Variants in MAPKAPK2 observed in about 807,000 individuals in gnomAD.
MAPKAPK2 encodes the protein MAPK activated protein kinase 2.
MAPKAPK2 carries 9 observed loss-of-function variants against 48.8 expected under a neutral mutation model. The ratio of observed to expected loss-of-function variants is 0.18; its 90% CI spans 0.11 to 0.32. MAPKAPK2 has a LOEUF of 0.32. MAPKAPK2 is among the 10% of genes least tolerant of loss of function. The probability of loss-of-function intolerance (pLI) is 1.00; values close to 1 mark genes in which losing one functional copy is unlikely to be tolerated. For missense variants in MAPKAPK2, 331 were observed against 498.3 expected (o/e 0.66, Z 3.20); for synonymous variants, 202 against 190.6 (o/e 1.06, Z -0.49).
At chr1:206,720,255 T>C (rs1553431033) in intron 1 of MAPKAPK2, among the ~76,000 whole-genome samples, 1 of 152,258 alleles carries the variant, frequency 6.6e-6, no homozygotes, top group Non-Finnish European at 1.5e-5. Context: ...GTAAATCACC[T>C]AGAAAATACA....
chr1:206,684,918 C>G lies in MAPKAPK2; in HGVS notation c.-312C>G, dbSNP rs1205497954. The stretch of plus-strand genomic sequence containing the variant: ...GCAGACGAGGCTGTGACGCGGCCGC[C>G]GGCCCGGGGCTGGGTACATTGTCGC... On this transcript the variant is annotated 5_prime_UTR_variant, in exon 1 of 10. Coordinates refer to ENST00000367103, the MANE Select transcript of MAPKAPK2 (RefSeq NM_032960.4). The G allele has an allele frequency of 1.3e-5, 2 of 151,214 alleles. No homozygotes were observed. Among genetic ancestry groups the G allele is most frequent in the African/African-American group, 4.9e-5 (2 of 41,168 alleles). The allele number at this position is 151,214 out of a possible 1,614,324, so 9.4% of individuals were successfully genotyped here.
intron 1 of MAPKAPK2, among the ~76,000 whole-genome samples, chr1:206,715,164 T>A (rs1673289255): frequency 6.6e-6 from 1 of 152,220 alleles, no homozygotes; most frequent in Non-Finnish European, 1.5e-5. Flanking sequence ...CTGTGGAGCA[T>A]TCTCCTTCAT....
At chr1:206,726,268 T>A (rs1460931874) in intron 1 of MAPKAPK2, among the ~76,000 whole-genome samples, 2 of 152,196 alleles carry the variant, frequency 1.3e-5, no homozygotes, top group Non-Finnish European at 2.9e-5. Flanking sequence ...ACACCTGTAA[T>A]CCCAGCTACT....
At chr1:206,724,762 GT>G (rs1673652840) in intron 1 of MAPKAPK2, among the ~76,000 whole-genome samples, 1 of 152,138 alleles carries the variant, frequency 6.6e-6, no homozygotes, top group Non-Finnish European at 1.5e-5. Flanking sequence ...GAATGAGGGG[GT>G]GTTAGCTCAG....
intron 1 of MAPKAPK2, among the ~76,000 whole-genome samples, chr1:206,720,503 G>A (rs1295861689): frequency 6.6e-6 from 1 of 152,038 alleles, no homozygotes; most frequent in Non-Finnish European, 1.5e-5. Flanking sequence ...TTACAGGTGC[G>A]TGCCACCATG....
rs527425900 is a variant in MAPKAPK2, at chr1:206,708,240, C to G, written c.280-20470C>G. Among the ~76,000 whole-genome samples the G allele has an allele frequency of 3.1e-3, 465 of 152,338 alleles. 1 individual carries two copies. Among genetic ancestry groups the G allele is most frequent in the Non-Finnish European group, 5.4e-3 (364 of 68,028 alleles). On this transcript the variant is annotated intron_variant, in intron 1 of 9. Transcript: ENST00000367103. Reference sequence around the variant, plus strand: ...GCCCCTGTGTTGGCTGAAACCAGCCCTCTTCTTCCCCTTGCGCTTTCCTCC... The same window carrying G: ...GCCCCTGTGTTGGCTGAAACCAGCCGTCTTCTTCCCCTTGCGCTTTCCTCC...
At chr1:206,693,908 TC>T (rs1672532469) in intron 1 of MAPKAPK2, among the ~76,000 whole-genome samples, 1 of 152,218 alleles carries the variant, frequency 6.6e-6, no homozygotes, top group Middle Eastern at 3.2e-3. Flanking sequence ...CTCTGGCCCT[TC>T]CAGCTCAGCC....
At chr1:206,727,185 G>T (rs562213821) in intron 1 of MAPKAPK2, among the ~76,000 whole-genome samples, 4 of 152,166 alleles carry the variant, frequency 2.6e-5, no homozygotes, top group Non-Finnish European at 5.9e-5. Context: ...TGGCACCTGC[G>T]CTTGCACTTA....
At chr1:206,717,336 C>T (rs572166999) in intron 1 of MAPKAPK2, among the ~76,000 whole-genome samples, 1 of 152,270 alleles carries the variant, frequency 6.6e-6, no homozygotes, top group South Asian at 2.1e-4. Flanking sequence ...ATATAAAGTG[C>T]ACCTGGTACA....
At chr1:206,730,163 G>A (rs1673855959) in intron 5 of MAPKAPK2, 65 bp downstream of exon 5, 11 of 1,597,486 alleles carry the variant, frequency 6.9e-6, no homozygotes, top group Non-Finnish European at 9.4e-6. Context: ...CCTCCTCTTG[G>A]CTATCTGGGG....
In MAPKAPK2 at chr1:206,734,041, G is replaced by C. The variant is rs1177848497; in HGVS notation, c.*1323G>C. ...AGATGAGGAGCAGCTGGGGTAGGCTGTCTGTGCCATGGCCCCCCACTCCCC... is the reference window on the plus strand; with the variant it reads ...AGATGAGGAGCAGCTGGGGTAGGCTCTCTGTGCCATGGCCCCCCACTCCCC... On this transcript the variant is annotated 3_prime_UTR_variant, in exon 10 of 10. Coordinates refer to ENST00000367103, the MANE Select transcript of MAPKAPK2 (RefSeq NM_032960.4). The C allele has an allele frequency of 2.6e-5, 4 of 152,608 alleles. No homozygotes were observed. Among genetic ancestry groups the C allele is most frequent in the Admixed American group, 2.6e-4 (4 of 15,286 alleles). 9.5% of individuals were successfully genotyped at this position (152,608 alleles called of 1,614,324 possible).
chr1:206,703,530 C>T (rs12123706), intron 1 of MAPKAPK2, among the ~76,000 whole-genome samples: 30,207 of 152,084 alleles, frequency 0.2, 3,158 homozygotes, highest in Middle Eastern at 0.31. Flanking sequence ...CTCTTCCATT[C>T]CCAATTTCTA....
At chr1:206,715,839 G>C (rs1553430275) in intron 1 of MAPKAPK2, among the ~76,000 whole-genome samples, 1 of 151,624 alleles carries the variant, frequency 6.6e-6, no homozygotes, top group Non-Finnish European at 1.5e-5. Flanking sequence ...TGTTGCCCAG[G>C]CTGGTCTTGA....
chr1:206,722,358 T>TCAAAAA lies in MAPKAPK2; in HGVS notation c.280-6333_280-6328dup, dbSNP rs1192783589. 7.6e-4 allele frequency among the ~76,000 whole-genome samples: 116 copies of TCAAAAA among 151,872 alleles called. 1 individual carries two copies. The highest frequency in any genetic ancestry group is 2.1e-4 in the Non-Finnish European group (14 of 67,928). On this transcript the variant is annotated intron_variant, in intron 1 of 9. Transcript: ENST00000367103. Reference sequence around the variant, plus strand: ...CTGGGCAACAGGGCGAGACTCTGTCTCAAAAACAAAAACAAAAACAAAAAA... The same window carrying TCAAAAA: ...CTGGGCAACAGGGCGAGACTCTGTCTCAAAAACAAAAACAAAAACAAAAACAAAAAA...
intron 1 of MAPKAPK2, among the ~76,000 whole-genome samples, chr1:206,725,412 C>A (rs1052334805): frequency 2.0e-5 from 3 of 152,190 alleles, no homozygotes; most frequent in Non-Finnish European, 4.4e-5. Context: ...ATGCTCCAAG[C>A]TCAACTCAGT....
intron 1 of MAPKAPK2, among the ~76,000 whole-genome samples, chr1:206,710,820 A>G (rs529863128): frequency 4.9e-4 from 75 of 152,400 alleles, no homozygotes; most frequent in African/African-American, 1.7e-3. Context: ...TCCATATTGG[A>G]TGTTAAACAA....
intron 2 of MAPKAPK2, 90 bp downstream of exon 2, chr1:206,728,939 T>C: frequency 6.2e-7 from 1 of 1,610,856 alleles, no homozygotes; most frequent in Non-Finnish European, 8.5e-7. Context: ...GGGATGGGCC[T>C]GAAGCCTGGA....
chr1:206,722,867 G>A (rs1479947252), intron 1 of MAPKAPK2, among the ~76,000 whole-genome samples: 2 of 152,252 alleles, frequency 1.3e-5, no homozygotes, highest in African/African-American at 4.8e-5. Flanking sequence ...TCCATGTGGT[G>A]CAGCAGAGGC....
intron 1 of MAPKAPK2, 81 bp from the exon 2 acceptor site, chr1:206,728,629 C>T (rs1673787546): frequency 1.1e-5 from 17 of 1,511,156 alleles, no homozygotes; most frequent in South Asian, 1.0e-4. Context: ...ATGTCGGTGG[C>T]GATGTCAGGG....
Sources: allele counts gnomAD v4.1 joint callset (sites outside exome capture counted in the v4.1 genomes callset), GRCh38; gene constraint gnomAD v4.1.1; transcripts MANE v1.5; gene names NCBI Gene and HGNC (gene_info 2026-07-23, HGNC 2026-07-21).